BRD1: variants seen among roughly 807,000 people sequenced by gnomAD.
BRD1 encodes the protein bromodomain containing 1.
BRD1 carries 24 observed loss-of-function variants against 107.7 expected under a neutral mutation model. The ratio of observed to expected loss-of-function variants is 0.22; its 90% CI spans 0.16 to 0.31. The LOEUF is 0.31. Among genes scored for constraint, BRD1 ranks in the 10% least tolerant of loss-of-function variants. The pLI is 1.00. For synonymous variants in BRD1, 744 were observed against 686.1 expected (o/e 1.08, Z -1.32); for missense variants, 1,279 against 1,638.6 (o/e 0.78, Z 3.79).
Position 49,788,180 on chromosome 22 carries a change from T to C in BRD1, c.2360-293A>G, listed in dbSNP as rs193247132. 2.0e-5 allele frequency among the ~76,000 whole-genome samples: 3 copies of C among 152,242 alleles called. No homozygotes were observed. The East Asian group carries it at 5.8e-4, about 29-fold the overall frequency. ...CCAATATTAAACACGTCACTCGAGT[T>C]CATGACAGTTTCTGCAATGAATAAT... On this transcript the variant is annotated intron_variant, in intron 7 of 12. Transcript: ENST00000404760.
rs201232527 is a variant in BRD1 at position 49,774,312 on chromosome 22, C to T, written c.3491G>A (p.Arg1164Gln). ...GTTCATGGCGCGGTCAAAAGCGATC[C>T]GCACGGCCTTCCGGATGCTGGAATT... ...GRNSSIRKAV[R>Q]IAFDRAMNHL... The change falls in exon 13 of 13, where the codon CGG (arginine) becomes CAG (glutamine). Residue 1164 changes from arginine (R) to glutamine (Q), a missense_variant. Arg to Gln is a conservative substitution (Grantham distance 43, BLOSUM62 1). Coordinates refer to ENST00000404760, the MANE Select transcript of BRD1 (RefSeq NM_001304808.3). 4.3e-6 allele frequency: 7 copies of T among 1,614,236 alleles called. No homozygotes were observed. Among genetic ancestry groups the T allele is most frequent in the Admixed American group, 1.7e-5 (1 of 60,032 alleles).
At position 49,823,041 on chromosome 22, in the gene BRD1, A is replaced by G. The variant is rs543757298; in HGVS notation, c.1277T>C (p.Val426Ala). The change falls in exon 2 of 13, where the codon GTC becomes GCC. Residue 426 changes from valine to alanine, a missense_variant. Val to Ala is a moderately conservative substitution (Grantham distance 64, BLOSUM62 0). Transcript: ENST00000404760. ...SVKTVRSTSK[V>A]RKKAKKAKKA... Reference sequence around the variant, plus strand: ...CTTAGCCTTTTTTGCCTTCTTCCTGACCTTGGATGTGGACCTGACCGTTTT... The same window carrying G: ...CTTAGCCTTTTTTGCCTTCTTCCTGGCCTTGGATGTGGACCTGACCGTTTT... The G allele has an allele frequency of 4.3e-5, 70 of 1,614,046 alleles. No homozygotes were observed. The highest frequency in any genetic ancestry group is 5.7e-5 in the Non-Finnish European group (67 of 1,180,034).
chr22:49,818,846 A>G (rs1360082518), intron 2 of BRD1, among the ~76,000 whole-genome samples: 1 of 152,070 alleles, frequency 6.6e-6, no homozygotes, highest in South Asian at 2.1e-4. Flanking sequence ...AGATCGTGCC[A>G]CTGCGCTCCA....
At chr22:49,794,511 T>G (rs2059494433) in intron 6 of BRD1, among the ~76,000 whole-genome samples, 1 of 152,198 alleles carries the variant, frequency 6.6e-6, no homozygotes, top group Non-Finnish European at 1.5e-5. Context: ...TGATGGAGAA[T>G]TTCTACTCCC....
Position 49,781,111 on chromosome 22 carries a change from G to A in BRD1, c.2858-3298C>T, listed in dbSNP as rs369321698. Among the ~76,000 whole-genome samples, 12 of 152,200 alleles carry A rather than the reference G, an allele frequency of 7.9e-5. No homozygotes were observed. In the East Asian group the frequency reaches 1.4e-3, roughly 17 times the overall value. On this transcript the variant is annotated intron_variant, in intron 8 of 12. Coordinates refer to ENST00000404760, the MANE Select transcript of BRD1 (RefSeq NM_001304808.3). ...TGCCCCATCAACACAGGAGCTGCACGGAATTCCCACAGCGGCCAGGGTCCA... is the reference window on the plus strand; with the variant it reads ...TGCCCCATCAACACAGGAGCTGCACAGAATTCCCACAGCGGCCAGGGTCCA...
In BRD1 at chr22:49,824,408, G is replaced by C. The variant is rs2147437337; in HGVS notation, c.-14-77C>G. 6.5e-7 allele frequency: 1 copy of C among 1,548,944 alleles called. No individual in the cohort carries two copies. Among genetic ancestry groups the C allele is most frequent in the Non-Finnish European group, 8.7e-7 (1 of 1,152,910 alleles). ...CGAGAAAACCACAAAAGCATGCTTG[G>C]ACAGATCTAGCTCAGCAGCTCAAAG... On this transcript the variant is annotated intron_variant, in intron 1 of 12. Coordinates refer to ENST00000404760, the MANE Select transcript of BRD1 (RefSeq NM_001304808.3). The surrounding 1 kb of genome is among the most constrained non-coding windows in gnomAD (Gnocchi z 5.9).
intron 2 of BRD1, 27 bp from the exon 3 acceptor site, chr22:49,804,387 T>C (rs749385143): frequency 1.3e-6 from 2 of 1,578,654 alleles, no homozygotes; most frequent in Non-Finnish European, 1.7e-6. Flanking sequence ...CAGTGTATCT[T>C]TGAAGCAGTA....
intron 2 of BRD1, among the ~76,000 whole-genome samples, chr22:49,810,123 G>A (rs577026792): frequency 3.2e-4 from 49 of 152,244 alleles, no homozygotes; most frequent in Non-Finnish European, 1.9e-4. Context: ...AATTAATTTG[G>A]TTAAAAAAGA....
chr22:49,777,333 G>A (rs1335816124), intron 9 of BRD1, among the ~76,000 whole-genome samples, 172 bp from the exon 10 acceptor site: 2 of 152,244 alleles, frequency 1.3e-5, no homozygotes, highest in African/African-American at 4.8e-5. Flanking sequence ...CCTGTGGCAG[G>A]GGGGACTCAG....
In BRD1 at chr22:49,792,157, G is replaced by A. The variant is rs1375272570; in HGVS notation, c.2359+1877C>T. On this transcript the variant is annotated intron_variant, in intron 7 of 12. Coordinates refer to ENST00000404760, the MANE Select transcript of BRD1 (RefSeq NM_001304808.3). The surrounding 1 kb of genome is among the most constrained non-coding windows in gnomAD (Gnocchi z 4.2). ...GGGTCCTCAGCCCTGTGACCCAATG[G>A]CAATGGAGGAAGCCACTGATAAAAA... is the stretch of plus-strand genomic sequence containing the variant. 1.4e-5 allele frequency among the ~76,000 whole-genome samples: 2 copies of A among 146,958 alleles called. No homozygotes were observed. The highest frequency in any genetic ancestry group is 1.3e-4 in the Admixed American group (2 of 15,046).
chr22:49,804,961 ATTCT>A (rs879905016), intron 2 of BRD1, among the ~76,000 whole-genome samples: 2 of 152,216 alleles, frequency 1.3e-5, no homozygotes, highest in Non-Finnish European at 2.9e-5. Context: ...AACAGTTTTC[ATTCT>A]TTCTATGTGA....
intron 1 of BRD1, 64 bp downstream of exon 1, chr22:49,827,433 G>A (rs1246263263): frequency 1.4e-5 from 2 of 145,832 alleles, no homozygotes; most frequent in African/African-American, 4.9e-5. Context: ...CGAGGCGGCG[G>A]CGGCGGCCGG....
In BRD1 at chr22:49,792,635, G is replaced by A. The variant is rs1162962741; in HGVS notation, c.2359+1399C>T. Among the ~76,000 whole-genome samples, 1 of 152,198 alleles carries A rather than the reference G, an allele frequency of 6.6e-6. No homozygotes were observed. Among genetic ancestry groups the A allele is most frequent in the Non-Finnish European group, 1.5e-5 (1 of 68,042 alleles). ...ATTCTATGGACCTAACGTAATTGAC[G>A]CCAGCCCCAAAAGAGACATTCTAGA... On this transcript the variant is annotated intron_variant, in intron 7 of 12. Coordinates refer to ENST00000404760, the MANE Select transcript of BRD1 (RefSeq NM_001304808.3). The surrounding 1 kb of genome is among the most constrained non-coding windows in gnomAD (Gnocchi z 4.2).
intron 2 of BRD1, among the ~76,000 whole-genome samples, chr22:49,813,002 G>A (rs539687018): frequency 3.9e-4 from 60 of 152,326 alleles, no homozygotes; most frequent in Middle Eastern, 3.4e-3. Flanking sequence ...CAGCTGGCCT[G>A]AGACCAGGAG....
intron 1 of BRD1, among the ~76,000 whole-genome samples, chr22:49,825,338 G>A (rs1818716395): frequency 6.6e-6 from 1 of 152,174 alleles, no homozygotes; most frequent in Non-Finnish European, 1.5e-5. Flanking sequence ...GGTCGCCAGC[G>A]CTGGCTCAGG....
At chr22:49,776,937 C>A in intron 10 of BRD1, 97 bp downstream of exon 10, 1 of 1,537,214 alleles carries the variant, frequency 6.5e-7, no homozygotes, top group Non-Finnish European at 8.8e-7. Context: ...CACAGGGCAC[C>A]ATGCTCCCTG....
intron 8 of BRD1, among the ~76,000 whole-genome samples, chr22:49,780,712 T>A (rs2146963602): frequency 6.6e-6 from 1 of 152,296 alleles, no homozygotes; most frequent in Non-Finnish European, 1.5e-5. Flanking sequence ...GGTTCTGAGA[T>A]CTCTCAATCT....
intron 4 of BRD1, 47 bp from the exon 5 acceptor site, chr22:49,798,733 T>C: frequency 6.6e-7 from 1 of 1,515,418 alleles, no homozygotes; most frequent in Non-Finnish European, 8.8e-7. Flanking sequence ...CGCACATGCG[T>C]CTCAGCCCCA....
intron 2 of BRD1, among the ~76,000 whole-genome samples, chr22:49,820,252 G>A (rs114389873): frequency 0.019 from 2,883 of 152,316 alleles, 82 homozygotes; most frequent in African/African-American, 0.066. Flanking sequence ...CAGGGAATAA[G>A]GAAGATCCTC....
Sources: allele counts gnomAD v4.1 joint callset (sites outside exome capture counted in the v4.1 genomes callset), GRCh38; gene constraint gnomAD v4.1.1; non-coding constraint Gnocchi (gnomAD v3.1); transcripts MANE v1.5; gene names NCBI Gene and HGNC (gene_info 2026-07-23, HGNC 2026-07-21).